Variants in CALN1 observed in about 807,000 individuals in gnomAD.
The protein encoded by CALN1 is calneuron 1.
In CALN1, 17 loss-of-function variants were observed where a neutral mutation model predicts 30.6. That is an observed-to-expected ratio of 0.56 (90% CI 0.38 to 0.83). CALN1 has a LOEUF of 0.83. CALN1 is among the 40% of genes least tolerant of loss of function. The pLI is 0.00. For synonymous variants in CALN1, 156 were observed against 131.4 expected (o/e 1.19, Z -1.28); for missense variants, 291 against 354.9 (o/e 0.82, Z 1.45).
At chr7:72,268,179 T>C (rs930770608) in intron 3 of CALN1, among the ~76,000 whole-genome samples, 4 of 152,146 alleles carry the variant, frequency 2.6e-5, no homozygotes, top group African/African-American at 7.2e-5. Flanking sequence ...AGTGACAATA[T>C]TGAAACTAAA....
chr7:71,905,442 T>C (rs1794083765), intron 5 of CALN1, among the ~76,000 whole-genome samples: 1 of 151,700 alleles, frequency 6.6e-6, no homozygotes, highest in Admixed American at 6.6e-5. Context: ...AAGTCCATTA[T>C]ATCACTCAAC....
At chr7:72,036,058 T>C (rs1293321245) in intron 4 of CALN1, among the ~76,000 whole-genome samples, 3 of 152,354 alleles carry the variant, frequency 2.0e-5, no homozygotes, top group African/African-American at 7.2e-5. Context: ...CAGATTTTTG[T>C]TTATCTAAAA....
intron 2 of CALN1, among the ~76,000 whole-genome samples, chr7:72,355,768 T>C (rs1803184458): frequency 6.6e-6 from 1 of 152,202 alleles, no homozygotes; most frequent in African/African-American, 2.4e-5. Context: ...AATGGGTGGA[T>C]TCCTGGGGCT....
At chr7:72,230,798 T>A (rs1326094454) in intron 3 of CALN1, among the ~76,000 whole-genome samples, 1 of 152,212 alleles carries the variant, frequency 6.6e-6, no homozygotes, top group Non-Finnish European at 1.5e-5. Flanking sequence ...TTAGTGATAA[T>A]TGGTTACAGC....
At chr7:72,067,624 A>T (rs573157437) in intron 4 of CALN1, among the ~76,000 whole-genome samples, 107 of 152,308 alleles carry the variant, frequency 7.0e-4, no homozygotes, top group South Asian at 1.2e-3. Context: ...AGAAAAATTT[A>T]AAAAAATCAG....
chr7:71,790,372 G>GAA (rs1246822149), intron 6 of CALN1, among the ~76,000 whole-genome samples: 331 of 25,992 alleles, frequency 0.013, 2 homozygotes, highest in Admixed American at 0.03. Flanking sequence ...AGAAAGAAAA[G>GAA]AAAGAAAGAA....
At chr7:71,957,863 G>A (rs1453903333) in intron 5 of CALN1, among the ~76,000 whole-genome samples, 4 of 151,974 alleles carry the variant, frequency 2.6e-5, no homozygotes, top group East Asian at 1.9e-4. Flanking sequence ...TCAGGAGTTC[G>A]AGACCAACCT....
the CALN1 span, among the ~76,000 whole-genome samples, chr7:72,457,330 T>C: frequency 6.6e-6 from 1 of 152,196 alleles, no homozygotes; most frequent in Admixed American, 6.5e-5. Context: ...ACAATCTGCC[T>C]TAAATGCCCT....
chr7:72,106,726 GAGGGAGGA>G lies in CALN1; in HGVS notation c.245-440_245-433del, dbSNP rs1485511486. On this transcript the variant is annotated intron_variant, in intron 3 of 6. Coordinates refer to ENST00000395275, the MANE Select transcript of CALN1 (RefSeq NM_031468.4). Reference sequence around the variant, plus strand: ...GAAGGGAGGGAGGGAGGAAGGGAGGGAGGGAGGAAGGGAGGGAGGAAGGAAGGGAGGGA... The same window carrying G: ...GAAGGGAGGGAGGGAGGAAGGGAGGGAGGGAGGGAGGAAGGAAGGGAGGGA... Among the ~76,000 whole-genome samples, 128 of 39,538 alleles carry G rather than the reference GAGGGAGGA, an allele frequency of 3.2e-3. 4 individuals carry two copies. Among genetic ancestry groups the G allele is most frequent in the Non-Finnish European group, 4.4e-3 (94 of 21,482 alleles). 25.9% of individuals were successfully genotyped at this position (39,538 alleles called of 152,430 possible). A position where few individuals can be genotyped will look rare whatever the true frequency, so the allele number is the denominator to read the frequency against.
chr7:72,296,471 G>A (rs976648895), intron 2 of CALN1, among the ~76,000 whole-genome samples: 2 of 151,342 alleles, frequency 1.3e-5, no homozygotes, highest in Admixed American at 6.6e-5. Flanking sequence ...TGTAGAATTC[G>A]GCCGTGAATC....
chr7:71,974,668 T>C (rs1374797676), intron 5 of CALN1, among the ~76,000 whole-genome samples: 3 of 152,080 alleles, frequency 2.0e-5, no homozygotes, highest in Non-Finnish European at 4.4e-5. Context: ...TGGGCAGGTA[T>C]TGGCAAGTTC....
chr7:72,181,877 T>C (rs1216470279), intron 3 of CALN1, among the ~76,000 whole-genome samples: 2 of 152,204 alleles, frequency 1.3e-5, no homozygotes, highest in Non-Finnish European at 2.9e-5. Flanking sequence ...CATATCTCTA[T>C]CACGAGCATT....
intron 3 of CALN1, among the ~76,000 whole-genome samples, chr7:72,115,461 T>C (rs1807911260): frequency 1.3e-5 from 2 of 148,274 alleles, no homozygotes; most frequent in Non-Finnish European, 3.0e-5. Context: ...TCAGTAATGA[T>C]AAATACATTA....
chr7:72,080,098 G>T (rs1334742264), intron 4 of CALN1, among the ~76,000 whole-genome samples: 2 of 152,174 alleles, frequency 1.3e-5, no homozygotes, highest in African/African-American at 4.8e-5. Flanking sequence ...ACATCAGTGG[G>T]TGAAAAACCC....
intron 3 of CALN1, among the ~76,000 whole-genome samples, chr7:72,219,637 GCGCACACACACACA>G (rs1793113388): frequency 6.6e-6 from 1 of 151,326 alleles, no homozygotes; most frequent in Non-Finnish European, 1.5e-5. Context: ...ATACACATGC[GCGCACACACACACA>G]CGCACACACA....
At chr7:71,936,626 G>C (rs1374771654) in intron 5 of CALN1, among the ~76,000 whole-genome samples, 2 of 152,106 alleles carry the variant, frequency 1.3e-5, no homozygotes, top group African/African-American at 4.8e-5. Context: ...CTCATCTGCT[G>C]AACTGCCCTT....
chr7:72,032,570 C>T (rs1035317535), intron 4 of CALN1, among the ~76,000 whole-genome samples: 1 of 152,300 alleles, frequency 6.6e-6, no homozygotes. Flanking sequence ...GGCATAGGAT[C>T]ACAGGATCTC....
chr7:72,076,370 G>T (rs538982438), intron 4 of CALN1, among the ~76,000 whole-genome samples: 1 of 151,032 alleles, frequency 6.6e-6, no homozygotes, highest in Non-Finnish European at 1.5e-5. Context: ...AGGCCGAGGC[G>T]AGCAGATCAC....
intron 4 of CALN1, among the ~76,000 whole-genome samples, chr7:72,070,822 C>T (rs13236085): frequency 0.19 from 29,311 of 152,032 alleles, 3,586 homozygotes; most frequent in East Asian, 0.59. Flanking sequence ...AGGTCTCCTC[C>T]CCTGTCTATA....
Sources: gnomAD v4.1 joint callset for allele counts (sites outside exome capture counted in the v4.1 genomes callset) on GRCh38, gnomAD v4.1.1 for gene constraint, MANE v1.5 for transcripts, NCBI Gene and HGNC (gene_info 2026-07-23, HGNC 2026-07-21) for gene names.